The following CPED1 variants were observed in gnomAD, a reference collection of about 807,000 sequenced individuals.
CPED1 encodes the protein cadherin-like and PC-esterase domain-containing protein 1.
In CPED1, 114 loss-of-function variants were observed where a neutral mutation model predicts 128.2. The observed-to-expected ratio is 0.89, with a 90% CI of 0.76 to 1.04. The LOEUF (loss-of-function observed/expected upper bound fraction) is 1.04. Ranked by LOEUF, CPED1 falls within the 50% of genes least tolerant of loss-of-function variation. CPED1 has a pLI of 0.00. For synonymous variants in CPED1, 462 were observed against 426.7 expected (o/e 1.08, Z -1.02); for missense variants, 1,211 against 1,207.1 (o/e 1.00, Z -0.05).
At chr7:121,136,181 G>A in intron 14 of CPED1, 91 bp downstream of exon 14, 1 of 1,216,512 alleles carries the variant, frequency 8.2e-7, no homozygotes, top group Admixed American at 2.8e-5. Context: ...ATTATATGTG[G>A]GTATCTTACG....
intron 14 of CPED1, among the ~76,000 whole-genome samples, chr7:121,138,415 C>T (rs971794953): frequency 7.2e-5 from 11 of 151,958 alleles, no homozygotes; most frequent in Non-Finnish European, 1.2e-4. Flanking sequence ...GTGTTTTTGG[C>T]GGCAACACTG....
chr7:121,186,475 T>C (rs899034566), intron 16 of CPED1, among the ~76,000 whole-genome samples: 2 of 152,080 alleles, frequency 1.3e-5, no homozygotes, highest in African/African-American at 4.8e-5. Flanking sequence ...CCAATATAAT[T>C]TTTTAATTTC....
intron 5 of CPED1, among the ~76,000 whole-genome samples, chr7:121,068,402 T>G (rs1173758072): frequency 6.6e-6 from 1 of 152,056 alleles, no homozygotes; most frequent in Non-Finnish European, 1.5e-5. Context: ...TTTTGTCAGG[T>G]TTGTCAAAGA....
intron 16 of CPED1, among the ~76,000 whole-genome samples, chr7:121,204,715 T>C (rs1269585409): frequency 1.3e-5 from 2 of 152,204 alleles, no homozygotes; most frequent in Non-Finnish European, 2.9e-5. Context: ...AAACAGAACA[T>C]TACAGCTTCA....
intron 16 of CPED1, among the ~76,000 whole-genome samples, chr7:121,162,502 G>T (rs945859176): frequency 6.6e-6 from 1 of 152,206 alleles, no homozygotes; most frequent in Non-Finnish European, 1.5e-5. Context: ...CTTAATGTGT[G>T]TGTGGGAGGA....
chr7:121,090,360 T>C (rs1016376028), intron 5 of CPED1, among the ~76,000 whole-genome samples: 2 of 152,228 alleles, frequency 1.3e-5, no homozygotes, highest in African/African-American at 4.8e-5. Context: ...GTTACTGTTT[T>C]TCTGCCAAGA....
chr7:121,194,725 T>G (rs760952415), intron 16 of CPED1, among the ~76,000 whole-genome samples: 7 of 152,182 alleles, frequency 4.6e-5, no homozygotes, highest in Non-Finnish European at 8.8e-5. Flanking sequence ...AGAACTAAAA[T>G]GATCTGTTTT....
At position 121,275,990 on chromosome 7, in the gene CPED1, G is replaced by A. The variant is rs1260298118; in HGVS notation, c.2868+4560G>A. On this transcript the variant is annotated intron_variant, in intron 22 of 22. Coordinates refer to ENST00000310396, the MANE Select transcript of CPED1 (RefSeq NM_024913.5). ...TTAGGGAAAAAAAAGATACAAATATGGTTAACATAGTTAGCTGATATAGAA... is the reference window on the plus strand; with the variant it reads ...TTAGGGAAAAAAAAGATACAAATATAGTTAACATAGTTAGCTGATATAGAA... Among the ~76,000 whole-genome samples, 3 of 150,454 alleles carry A rather than the reference G, an allele frequency of 2.0e-5. No homozygotes were observed. In the South Asian group the frequency reaches 6.3e-4, roughly 32 times the overall value.
intron 5 of CPED1, among the ~76,000 whole-genome samples, chr7:121,079,675 T>A (rs1222482358): frequency 6.6e-6 from 1 of 152,254 alleles, no homozygotes; most frequent in Admixed American, 6.5e-5. Flanking sequence ...TTTGCTGACA[T>A]CTCTGAAGTT....
chr7:121,243,294 T>C (rs546411858), intron 17 of CPED1, among the ~76,000 whole-genome samples: 3 of 152,194 alleles, frequency 2.0e-5, no homozygotes, highest in African/African-American at 7.2e-5. Context: ...TGATGTGCTA[T>C]GTTCACACTC....
intron 5 of CPED1, among the ~76,000 whole-genome samples, chr7:121,078,734 A>G (rs1794204948): frequency 1.3e-5 from 2 of 152,104 alleles, no homozygotes; most frequent in South Asian, 4.1e-4. Flanking sequence ...ACATGTGTCA[A>G]CAGCCCACTC....
intron 16 of CPED1, among the ~76,000 whole-genome samples, chr7:121,178,560 G>A (rs1796834465): frequency 6.6e-6 from 1 of 151,890 alleles, no homozygotes; most frequent in Admixed American, 6.6e-5. Context: ...GCAGACAGGT[G>A]GTAAGGACTG....
intron 5 of CPED1, among the ~76,000 whole-genome samples, chr7:121,073,691 C>A (rs1045665868): frequency 6.6e-6 from 1 of 152,072 alleles, no homozygotes; most frequent in Non-Finnish European, 1.5e-5. Flanking sequence ...TGGAAGGACT[C>A]ATCTCCATGA....
At chr7:121,263,478 T>C (rs566735753) in intron 18 of CPED1, among the ~76,000 whole-genome samples, 43 of 152,076 alleles carry the variant, frequency 2.8e-4, no homozygotes, top group Non-Finnish European at 5.0e-4. Context: ...ATTTAAGTCC[T>C]CCTACATGGA....
In CPED1 at chr7:121,147,651, T is replaced by A. The variant is rs116127334; in HGVS notation, c.2055+5510T>A. Among the ~76,000 whole-genome samples, 1,344 of 152,180 alleles carry A rather than the reference T, an allele frequency of 8.8e-3. 22 individuals are homozygous for A. Among genetic ancestry groups the A allele is most frequent in the African/African-American group, 0.03 (1,265 of 41,538 alleles). ...TAGATGATCTATGGTATCATATACA[T>A]TTTGCCCTCAAAATGTTGCACCAGA... On this transcript the variant is annotated intron_variant, in intron 16 of 22. Coordinates refer to ENST00000310396, the MANE Select transcript of CPED1 (RefSeq NM_024913.5).
chr7:121,062,130 A>G (rs760847532), intron 4 of CPED1, among the ~76,000 whole-genome samples: 1 of 152,194 alleles, frequency 6.6e-6, no homozygotes, highest in Non-Finnish European at 1.5e-5. Flanking sequence ...TATTATTTTC[A>G]AGTGCTTTGT....
At chr7:121,171,031 C>A (rs1309466898) in intron 16 of CPED1, among the ~76,000 whole-genome samples, 1 of 150,940 alleles carries the variant, frequency 6.6e-6, no homozygotes, top group East Asian at 2.0e-4. Flanking sequence ...GCCTAAGTGA[C>A]AGAGCAAGAC....
At chr7:121,144,572 G>A (rs574883575) in intron 16 of CPED1, among the ~76,000 whole-genome samples, 30 of 151,974 alleles carry the variant, frequency 2.0e-4, no homozygotes, top group African/African-American at 7.2e-4. Context: ...TTGTTAATGG[G>A]CACAAAAACA....
intron 12 of CPED1, among the ~76,000 whole-genome samples, chr7:121,131,492 G>GT (rs35424690): frequency 0.036 from 4,865 of 134,086 alleles, 182 homozygotes; most frequent in East Asian, 0.17. Flanking sequence ...CTGTTTCAAA[G>GT]TTTTTTTTTT....
Sources: gnomAD v4.1 joint callset for allele counts (sites outside exome capture counted in the v4.1 genomes callset) on GRCh38, gnomAD v4.1.1 for gene constraint, MANE v1.5 for transcripts, NCBI Gene and HGNC (gene_info 2026-07-23, HGNC 2026-07-21) for gene names.